Variants in TMEM184B observed in about 807,000 individuals in gnomAD.
TMEM184B encodes the protein transmembrane protein 184B, also known as putative MAPK-activating protein FM08.
A neutral mutation model predicts 41.8 loss-of-function variants in TMEM184B; 17 were observed. That is an observed-to-expected ratio of 0.41 (90% CI 0.28 to 0.61). The LOEUF (loss-of-function observed/expected upper bound fraction) is 0.61, where lower values mean the gene tolerates loss of function less well. TMEM184B is among the 20% of genes least tolerant of loss of function. TMEM184B has a pLI of 0.34. For missense variants in TMEM184B, 393 were observed against 557.8 expected (o/e 0.70, Z 2.98); for synonymous variants, 240 against 229.5 (o/e 1.05, Z -0.41).
chr22:38,270,601 G>A (rs2092507780), intron 1 of TMEM184B, among the ~76,000 whole-genome samples: 1 of 152,142 alleles, frequency 6.6e-6, no homozygotes, highest in Non-Finnish European at 1.5e-5. Context: ...CATGGTCTTC[G>A]GTGAGTGCTT....
At chr22:38,267,648 G>A (rs2092463405) in intron 1 of TMEM184B, among the ~76,000 whole-genome samples, 1 of 151,990 alleles carries the variant, frequency 6.6e-6, no homozygotes, top group Admixed American at 6.5e-5. Context: ...GGCCAGGCTG[G>A]TCTCCAATTC....
chr22:38,231,394 G>GTTTAGAATCCCAGCATCT, intron 3 of TMEM184B, 60 bp from the exon 4 acceptor site: 1 of 1,382,892 alleles, frequency 7.2e-7, no homozygotes, highest in Non-Finnish European at 1.0e-6. Flanking sequence ...CGCAGATGCT[G>GTTTAGAATCCCAGCATCT]GGATTCTAAA....
intron 8 of TMEM184B, 110 bp from the exon 9 acceptor site, chr22:38,221,820 T>C (rs1465717302): frequency 6.9e-7 from 1 of 1,456,826 alleles, no homozygotes; most frequent in African/African-American, 1.4e-5. Flanking sequence ...CCCAAAGCTA[T>C]GCCCTTCAAC....
chr22:38,244,197 C>A (rs888069241), intron 3 of TMEM184B, among the ~76,000 whole-genome samples: 5 of 152,064 alleles, frequency 3.3e-5, no homozygotes, highest in African/African-American at 1.2e-4. Context: ...CTCAGGGATA[C>A]ACAAGTTTCA....
At chr22:38,241,127 C>A (rs2091896699) in intron 3 of TMEM184B, among the ~76,000 whole-genome samples, 3 of 152,146 alleles carry the variant, frequency 2.0e-5, no homozygotes, top group Admixed American at 2.0e-4. Context: ...AACAGCTGAG[C>A]AGCGGGAGCC....
intron 2 of TMEM184B, among the ~76,000 whole-genome samples, chr22:38,246,415 C>A (rs1448543477): frequency 6.6e-6 from 1 of 152,234 alleles, no homozygotes. Context: ...GATGGAAATG[C>A]AGTTTCCACA....
intron 1 of TMEM184B, among the ~76,000 whole-genome samples, chr22:38,248,409 C>G (rs1217673675): frequency 2.0e-5 from 3 of 152,250 alleles, no homozygotes; most frequent in Non-Finnish European, 4.4e-5. Flanking sequence ...TCAGCTGCAG[C>G]CACGCTGGCC....
At position 38,239,320 on chromosome 22, in the gene TMEM184B, A is replaced by C. The variant is rs1050202824; in HGVS notation, c.358+6615T>G. ...CACTAGTCACAGGGTTCACAGGCTAAACACACACTTATCTCCACTATCCCC... is the reference window on the plus strand; with the variant it reads ...CACTAGTCACAGGGTTCACAGGCTACACACACACTTATCTCCACTATCCCC... On this transcript the variant is annotated intron_variant, in intron 3 of 8. Coordinates refer to ENST00000361906, the MANE Select transcript of TMEM184B (RefSeq NM_012264.5). This position sits in a 1 kb window ranked among gnomAD's most constrained non-coding sequence, Gnocchi z 4.6. The C allele has an allele frequency of 1.3e-5, 2 of 152,344 alleles. No homozygotes were observed. The highest frequency in any genetic ancestry group is 2.9e-5 in the Non-Finnish European group (2 of 68,144). The allele number at this position is 152,344 out of a possible 1,614,324, so 9.4% of individuals were successfully genotyped here. A position where few individuals can be genotyped will look rare whatever the true frequency, so the allele number is the denominator to read the frequency against.
intron 1 of TMEM184B, among the ~76,000 whole-genome samples, chr22:38,249,238 C>A (rs372943262): frequency 9.2e-5 from 14 of 152,296 alleles, no homozygotes; most frequent in South Asian, 6.2e-4. Flanking sequence ...CGGCTTCCGC[C>A]TCCCGGGCTC....
chr22:38,227,376 TAG>T, intron 5 of TMEM184B, among the ~76,000 whole-genome samples: 1 of 152,108 alleles, frequency 6.6e-6, no homozygotes, highest in Non-Finnish European at 1.5e-5. Flanking sequence ...GGCTGCGCAC[TAG>T]AGAGGTGGCT....
chr22:38,250,113 G>A (rs772372990), intron 1 of TMEM184B, among the ~76,000 whole-genome samples: 1 of 152,208 alleles, frequency 6.6e-6, no homozygotes, highest in Non-Finnish European at 1.5e-5. Context: ...TTCCAAATTC[G>A]CAAGCTGGTA....
At chr22:38,227,732 G>A (rs977623481) in intron 5 of TMEM184B, among the ~76,000 whole-genome samples, 1 of 152,150 alleles carries the variant, frequency 6.6e-6, no homozygotes, top group African/African-American at 2.4e-5. Flanking sequence ...CCACACCACA[G>A]GGCCACTGCT....
At chr22:38,232,762 C>T (rs901745062) in intron 3 of TMEM184B, among the ~76,000 whole-genome samples, 1 of 152,260 alleles carries the variant, frequency 6.6e-6, no homozygotes, top group South Asian at 2.1e-4. Context: ...CCCAAGCTCC[C>T]GCCACTCCCG....
intron 1 of TMEM184B, among the ~76,000 whole-genome samples, chr22:38,249,160 A>G (rs1229408382): frequency 2.3e-4 from 35 of 152,116 alleles, no homozygotes. Flanking sequence ...CTTGATTATT[A>G]TTATTTTGAC....
chr22:38,224,539 C>T (rs1303457908), intron 8 of TMEM184B, among the ~76,000 whole-genome samples: 1 of 152,212 alleles, frequency 6.6e-6, no homozygotes, highest in Non-Finnish European at 1.5e-5. Context: ...CTGTCTGTAT[C>T]AGCCCTGGAC....
At chr22:38,217,836 A>C (rs1229487351), downstream of TMEM184B, among the ~76,000 whole-genome samples, 1 of 142,752 alleles carries the variant, frequency 7.0e-6, no homozygotes, top group African/African-American at 2.7e-5. Flanking sequence ...ATCTCAAAAA[A>C]AAAAAAAAAA....
chr22:38,244,003 G>C (rs1252650494), intron 3 of TMEM184B, among the ~76,000 whole-genome samples: 1 of 152,168 alleles, frequency 6.6e-6, no homozygotes, highest in Non-Finnish European at 1.5e-5. Context: ...ACGCAGAGCA[G>C]AAGAGCTTCC....
chr22:38,242,027 AG>A, intron 3 of TMEM184B, among the ~76,000 whole-genome samples: 1 of 151,814 alleles, frequency 6.6e-6, no homozygotes, highest in South Asian at 2.1e-4. Flanking sequence ...AGGTCATTCT[AG>A]GAAGAAAACA....
chr22:38,271,022 G>A (rs1418626434), intron 1 of TMEM184B, among the ~76,000 whole-genome samples: 1 of 152,180 alleles, frequency 6.6e-6, no homozygotes, highest in African/African-American at 2.4e-5. Context: ...TACTTGGTTG[G>A]AGAAATTCAG....
Sources: gnomAD v4.1 joint callset for allele counts (sites outside exome capture counted in the v4.1 genomes callset) on GRCh38, gnomAD v4.1.1 for gene constraint, Gnocchi (gnomAD v3.1) non-coding constraint, MANE v1.5 for transcripts, NCBI Gene and HGNC (gene_info 2026-07-23, HGNC 2026-07-21) for gene names.